The following ZMYM2 variants were observed in gnomAD, a reference collection of about 807,000 sequenced individuals.
The protein encoded by ZMYM2 is zinc finger MYM-type containing 2, also known as zinc finger MYM-type protein 2.
In ZMYM2, 56 loss-of-function variants were observed where a neutral mutation model predicts 162.8. That is an observed-to-expected ratio of 0.34 (90% confidence interval 0.28 to 0.43). The LOEUF is 0.43. Ranked by LOEUF, ZMYM2 falls within the 20% of genes least tolerant of loss-of-function variation. ZMYM2 has a pLI of 1.00. For synonymous variants in ZMYM2, 510 were observed against 541.6 expected (o/e 0.94, Z 0.81); for missense variants, 1,275 against 1,621.8 (o/e 0.79, Z 3.67).
chr13:19,915,823 A>G, the ZMYM2 span, among the ~76,000 whole-genome samples: 1 of 151,482 alleles, frequency 6.6e-6, no homozygotes, highest in Admixed American at 6.6e-5. Context: ...TCTATTTTCT[A>G]ATAGTATTTT....
At chr13:19,975,867 T>TGTAC (rs1288046891) in intron 2 of ZMYM2, among the ~76,000 whole-genome samples, 1 of 125,484 alleles carries the variant, frequency 8.0e-6, no homozygotes, top group African/African-American at 3.6e-5. Flanking sequence ...TTAAAATGTA[T>TGTAC]GTATGTATGT....
At chr13:19,922,258 G>A in the ZMYM2 span, among the ~76,000 whole-genome samples, 4 of 152,108 alleles carry the variant, frequency 2.6e-5, no homozygotes, top group African/African-American at 7.2e-5. Flanking sequence ...GGGAGTGGGC[G>A]GATACAAAGT....
chr13:19,953,361 GA>G, the ZMYM2 span, among the ~76,000 whole-genome samples: 1 of 152,150 alleles, frequency 6.6e-6, no homozygotes, highest in South Asian at 2.1e-4. Flanking sequence ...TATTTAGAAA[GA>G]ATGGCAACTT....
chr13:20,034,783 A>G (rs971141443), intron 11 of ZMYM2, among the ~76,000 whole-genome samples: 1 of 152,222 alleles, frequency 6.6e-6, no homozygotes, highest in African/African-American at 2.4e-5. Context: ...TTCAATATGT[A>G]TACCAGAAAG....
At chr13:19,966,355 A>G (rs1040785571) in intron 2 of ZMYM2, among the ~76,000 whole-genome samples, 2 of 149,560 alleles carry the variant, frequency 1.3e-5, no homozygotes, top group Non-Finnish European at 3.0e-5. Flanking sequence ...GCTGGTCTTG[A>G]ACTCCCGACC....
rs569329955 is a variant in ZMYM2, at chr13:20,046,767, G to A, written c.2293-4666G>A. On this transcript the variant is annotated intron_variant, in intron 12 of 24. Coordinates refer to ENST00000610343, the MANE Select transcript of ZMYM2 (RefSeq NM_197968.4). Reference sequence around the variant, plus strand: ...CCCTTTTTTTGGGAAGCAAAGGTACGTTCTTTGACAAAAGACCATGTTATT... The same window carrying A: ...CCCTTTTTTTGGGAAGCAAAGGTACATTCTTTGACAAAAGACCATGTTATT... 6.4e-4 allele frequency among the ~76,000 whole-genome samples: 97 copies of A among 151,406 alleles called. 3 individuals are homozygous for A. Among genetic ancestry groups the A allele is most frequent in the South Asian group, 3.3e-3 (16 of 4,808 alleles).
rs1302271511 is a variant in ZMYM2 at position 20,089,090 on chromosome 13, T to G, written c.*3076T>G. 1 of 198,802 alleles carries G rather than the reference T, an allele frequency of 5.0e-6. No homozygotes were observed. Among genetic ancestry groups the G allele is most frequent in the East Asian group, 7.8e-5 (1 of 12,874 alleles). 12.3% of individuals were successfully genotyped at this position (198,802 alleles called of 1,614,324 possible). The stretch of plus-strand genomic sequence containing the variant: ...ATGAAAGTGTACATGAAAATATTTT[T>G]AAAGAATAAATTTCTTTAAATTACA... On this transcript the variant is annotated 3_prime_UTR_variant, in exon 25 of 25. Coordinates refer to ENST00000610343, the MANE Select transcript of ZMYM2 (RefSeq NM_197968.4).
chr13:19,967,987 A>G (rs2139206842), intron 2 of ZMYM2, among the ~76,000 whole-genome samples: 1 of 152,246 alleles, frequency 6.6e-6, no homozygotes, highest in South Asian at 2.1e-4. Flanking sequence ...CTCCATCGAG[A>G]TAAAAATGCT....
At chr13:19,914,609 T>C in the ZMYM2 span, among the ~76,000 whole-genome samples, 1 of 152,248 alleles carries the variant, frequency 6.6e-6, no homozygotes, top group Non-Finnish European at 1.5e-5. Context: ...TTACTCTGGG[T>C]ACAAATTGGT....
chr13:19,961,097 T>C lies in ZMYM2; in HGVS notation c.-11+1071T>C, dbSNP rs146302347. 4.5e-3 allele frequency among the ~76,000 whole-genome samples: 682 copies of C among 151,800 alleles called. 5 individuals are homozygous for C. The highest frequency in any genetic ancestry group is 0.015 in the African/African-American group (625 of 41,426). Reference sequence around the variant, plus strand: ...TGGCGTGTATTGAGCCCTTATTGTATGCTAGCCCAATTCTAAGGTTTTTTT... The same window carrying C: ...TGGCGTGTATTGAGCCCTTATTGTACGCTAGCCCAATTCTAAGGTTTTTTT... On this transcript the variant is annotated intron_variant, in intron 2 of 24. Coordinates refer to ENST00000610343, the MANE Select transcript of ZMYM2 (RefSeq NM_197968.4).
the ZMYM2 span, among the ~76,000 whole-genome samples, chr13:19,903,657 C>T: frequency 4.6e-5 from 7 of 151,594 alleles, no homozygotes; most frequent in African/African-American, 1.7e-4. Flanking sequence ...ATCACTTGAG[C>T]TCAGGAGTTC....
At chr13:19,951,559 G>A in the ZMYM2 span, among the ~76,000 whole-genome samples, 3 of 121,032 alleles carry the variant, frequency 2.5e-5, no homozygotes, top group East Asian at 2.5e-4. Context: ...AAAATTTACC[G>A]GGGGTCGTGG....
At chr13:19,881,196 A>C in the ZMYM2 span, among the ~76,000 whole-genome samples, 3 of 152,082 alleles carry the variant, frequency 2.0e-5, no homozygotes, top group Admixed American at 6.6e-5. Context: ...CAGGAATCTT[A>C]AAGTTTTGTA....
chr13:19,972,598 C>G (rs186673482), intron 2 of ZMYM2, among the ~76,000 whole-genome samples: 153 of 151,990 alleles, frequency 1.0e-3, no homozygotes, highest in African/African-American at 3.3e-3. Flanking sequence ...GATGGACAGT[C>G]TGTTTCCAAT....
At chr13:19,899,908 C>T in the ZMYM2 span, among the ~76,000 whole-genome samples, 4 of 148,156 alleles carry the variant, frequency 2.7e-5, no homozygotes, top group African/African-American at 1.0e-4. Flanking sequence ...ATTGATTAAT[C>T]TTTAAGTACA....
intron 21 of ZMYM2, among the ~76,000 whole-genome samples, chr13:20,080,268 T>G (rs556154471): frequency 6.6e-6 from 1 of 152,350 alleles, no homozygotes; most frequent in African/African-American, 2.4e-5. Context: ...GAGTTTTTGT[T>G]CTACTATTTT....
At chr13:20,033,649 A>T (rs987355627) in intron 10 of ZMYM2, among the ~76,000 whole-genome samples, 1 of 152,224 alleles carries the variant, frequency 6.6e-6, no homozygotes, top group Non-Finnish European at 1.5e-5. Flanking sequence ...TAACTTGTTC[A>T]TACCTGCTTG....
the ZMYM2 span, among the ~76,000 whole-genome samples, chr13:19,870,847 C>A: frequency 6.6e-6 from 1 of 151,488 alleles, no homozygotes; most frequent in African/African-American, 2.4e-5. Context: ...GGCTGGTCTC[C>A]GACTCCCGAC....
In ZMYM2 at chr13:20,087,350, A is replaced by G. The variant is rs988257945; in HGVS notation, c.*1336A>G. On this transcript the variant is annotated 3_prime_UTR_variant, in exon 25 of 25. Coordinates refer to ENST00000610343, the MANE Select transcript of ZMYM2 (RefSeq NM_197968.4). Reference sequence around the variant, plus strand: ...TTCTTTTAGAATAAGGAAACTTAAAATCTACTTTCTAAAGACTGAACAAAG... The same window carrying G: ...TTCTTTTAGAATAAGGAAACTTAAAGTCTACTTTCTAAAGACTGAACAAAG... The G allele has an allele frequency of 9.0e-5, 17 of 189,604 alleles. No individual in the cohort carries two copies. Among genetic ancestry groups the G allele is most frequent in the African/African-American group, 4.0e-4 (17 of 42,896 alleles). 11.7% of individuals were successfully genotyped at this position (189,604 alleles called of 1,614,324 possible). A position where few individuals can be genotyped will look rare whatever the true frequency, so the allele number is the denominator to read the frequency against.
Sources: allele counts gnomAD v4.1 joint callset (sites outside exome capture counted in the v4.1 genomes callset), GRCh38; gene constraint gnomAD v4.1.1; transcripts MANE v1.5; gene names NCBI Gene and HGNC (gene_info 2026-07-23, HGNC 2026-07-21).